TNRC6B: variants seen among roughly 807,000 people sequenced by gnomAD.
TNRC6B encodes trinucleotide repeat-containing gene 6B protein.
In TNRC6B, 52 loss-of-function variants were observed where a neutral mutation model predicts 203.6. The observed-to-expected ratio is 0.26, with a 90% CI of 0.20 to 0.32. The LOEUF is 0.32. TNRC6B is among the 10% of genes least tolerant of loss of function. The probability of loss-of-function intolerance (pLI) is 1.00; values close to 1 mark genes in which losing one functional copy is unlikely to be tolerated. For synonymous variants in TNRC6B, 838 were observed against 845.7 expected (o/e 0.99, Z 0.16); for missense variants, 1,923 against 2,286.2 (o/e 0.84, Z 3.24).
intron 12 of TNRC6B, among the ~76,000 whole-genome samples, chr22:40,295,531 G>A (rs1438754162): frequency 6.6e-6 from 1 of 151,738 alleles, no homozygotes; most frequent in African/African-American, 2.4e-5. Context: ...TGAGAATGTA[G>A]CAGAGATGGT....
At chr22:40,072,397 TC>T (rs1299606150) in intron 1 of TNRC6B, among the ~76,000 whole-genome samples, 1 of 152,184 alleles carries the variant, frequency 6.6e-6, no homozygotes, top group Non-Finnish European at 1.5e-5. Flanking sequence ...TACTAATTAT[TC>T]CCAAGGATGT....
At chr22:40,318,585 T>A (rs1448015507) in intron 21 of TNRC6B, among the ~76,000 whole-genome samples, 1 of 151,994 alleles carries the variant, frequency 6.6e-6, no homozygotes, top group Non-Finnish European at 1.5e-5. Context: ...CCAAGTTATT[T>A]CTTTAGCAAA....
chr22:40,161,273 A>G (rs544792973), intron 4 of TNRC6B, among the ~76,000 whole-genome samples: 107 of 152,298 alleles, frequency 7.0e-4, no homozygotes, highest in African/African-American at 2.5e-3. Context: ...TCAGTTTTGT[A>G]TATGGTGTGA....
At position 40,299,150 on chromosome 22, in the gene TNRC6B, A is replaced by C. The variant is rs1217007375; in HGVS notation, c.3709-1305A>C. On this transcript the variant is annotated intron_variant, in intron 12 of 22. Transcript: ENST00000454349. ...ACAGAGTGAGACCCTGTCTCAAAAA[A>C]AAAAAAACAAAAAAAAAAAAAAAAC... 4.6e-5 allele frequency among the ~76,000 whole-genome samples: 7 copies of C among 151,576 alleles called. No homozygotes were observed. The East Asian group carries it at 1.2e-3, about 25-fold the overall frequency.
intron 1 of TNRC6B, among the ~76,000 whole-genome samples, chr22:40,054,055 A>G (rs748924794): frequency 6.6e-5 from 10 of 152,260 alleles, no homozygotes; most frequent in Non-Finnish European, 1.2e-4. Flanking sequence ...TGTCTCTGCA[A>G]AAAATACAAA....
chr22:40,084,588 G>C (rs973445771), intron 1 of TNRC6B, among the ~76,000 whole-genome samples: 1 of 152,164 alleles, frequency 6.6e-6, no homozygotes, highest in Non-Finnish European at 1.5e-5. Context: ...TTTTAGACTT[G>C]GTGGCCTCTC....
At position 40,124,543 on chromosome 22, in the gene TNRC6B, G is replaced by A. The variant is rs534102953; in HGVS notation, c.-46-1229G>A. 4.6e-5 allele frequency among the ~76,000 whole-genome samples: 7 copies of A among 152,090 alleles called. 1 individual carries two copies. In the East Asian group the frequency reaches 9.7e-4, roughly 21 times the overall value. On this transcript the variant is annotated intron_variant, in intron 2 of 23. Coordinates refer to the TNRC6B transcript ENST00000301923. Reference sequence around the variant, plus strand: ...TCGCCCCCAGGCTGGTCTTGAACGCGTTAGCTCAAGCCATCCACCTGCCTC... The same window carrying A: ...TCGCCCCCAGGCTGGTCTTGAACGCATTAGCTCAAGCCATCCACCTGCCTC...
At chr22:40,086,466 CT>C (rs2068100447) in intron 1 of TNRC6B, among the ~76,000 whole-genome samples, 1 of 152,130 alleles carries the variant, frequency 6.6e-6, no homozygotes, top group African/African-American at 2.4e-5. Context: ...TTTCTGAAGA[CT>C]TTTTATAGTG....
intron 1 of TNRC6B, among the ~76,000 whole-genome samples, chr22:40,216,699 TTAAC>T (rs2069640079): frequency 6.6e-6 from 1 of 152,184 alleles, no homozygotes. Context: ...TGCTGTGCAT[TTAAC>T]TACTTCAGTA....
At chr22:40,167,402 A>G (rs1489603287) in intron 4 of TNRC6B, among the ~76,000 whole-genome samples, 1 of 152,092 alleles carries the variant, frequency 6.6e-6, no homozygotes, top group Non-Finnish European at 1.5e-5. Context: ...AGAAAGTAGA[A>G]TGGTGGTTGC....
chr22:40,172,263 C>G (rs1273379979), intron 4 of TNRC6B, among the ~76,000 whole-genome samples: 1 of 152,242 alleles, frequency 6.6e-6, no homozygotes, highest in Non-Finnish European at 1.5e-5. Context: ...GAGCCTCTCT[C>G]AGTTATTCTA....
chr22:40,280,102 A>T lies in TNRC6B; in HGVS notation c.3370A>T (p.Lys1124Ter). The T allele has an allele frequency of 6.2e-7, 1 of 1,613,912 alleles. No individual in the cohort carries two copies. Among genetic ancestry groups the T allele is most frequent in the Non-Finnish European group, 8.5e-7 (1 of 1,179,796 alleles). ...ATCTGGGTTCCGTCCACCTAATTCC[A>T]AAGACATGGGAACCACAGATAGTGG... is the stretch of plus-strand genomic sequence containing the variant. ...DRSGFRPPNS[K>*]DMGTTDSGPY... The change falls in exon 10 of 23, where the codon AAA (lysine) becomes TAA (stop). Residue 1124 changes from lysine (K) to a stop codon, truncating the protein, a stop_gained. Coordinates refer to ENST00000454349, the MANE Select transcript of TNRC6B (RefSeq NM_001162501.2). LOFTEE classifies it high-confidence loss of function.
Position 40,085,275 on chromosome 22 carries a change from TA to T in TNRC6B, c.-120-31772del, listed in dbSNP as rs557980149. ...TCTCTCTAAAAGGCAAGGACTTTTT[TA>T]AAAAAAACTTAAGCCTTATACAATT... On this transcript the variant is annotated intron_variant, in intron 1 of 23. Coordinates refer to the TNRC6B transcript ENST00000301923. Among the ~76,000 whole-genome samples, 834 of 152,196 alleles carry T rather than the reference TA, an allele frequency of 5.5e-3. 2 individuals carry two copies. Among genetic ancestry groups the T allele is most frequent in the Non-Finnish European group, 8.5e-3 (576 of 67,998 alleles).
intron 1 of TNRC6B, among the ~76,000 whole-genome samples, chr22:40,178,389 C>T (rs572589940): frequency 6.6e-6 from 1 of 152,164 alleles, no homozygotes; most frequent in Non-Finnish European, 1.5e-5. Flanking sequence ...AGATTTTCAT[C>T]ATCGTTTCTA....
intron 1 of TNRC6B, among the ~76,000 whole-genome samples, chr22:40,060,010 G>A (rs73165032): frequency 2.6e-5 from 4 of 151,684 alleles, no homozygotes; most frequent in South Asian, 4.2e-4. Context: ...TTTTAGTAGA[G>A]ATGGGACGGG....
Position 40,264,892 on chromosome 22 carries a change from C to G in TNRC6B, c.662C>G (p.Ala221Gly). Reference sequence around the variant, plus strand: ...GAAAACACCACCGATAACAACAGTGCCTCGAACCCTGGCTCTGAGAAGAGC... The same window carrying G: ...GAAAACACCACCGATAACAACAGTGGCTCGAACCCTGGCTCTGAGAAGAGC... ...SSENTTDNNSASNPGSEKSTL... is the reference protein window; with the variant it reads ...SSENTTDNNSGSNPGSEKSTL... The change falls in exon 5 of 23, where the codon GCC becomes GGC. Residue 221 changes from alanine (A) to glycine (G), a missense_variant. This residue lies in a region of TNRC6B where 614 missense variants were observed against 587.7 expected (regional missense o/e 1.04). Coordinates refer to ENST00000454349, the MANE Select transcript of TNRC6B (RefSeq NM_001162501.2). The G allele has an allele frequency of 6.2e-7, 1 of 1,613,880 alleles. No homozygotes were observed.
At chr22:40,130,006 T>G (rs1314449996) in intron 3 of TNRC6B, among the ~76,000 whole-genome samples, 1 of 152,218 alleles carries the variant, frequency 6.6e-6, no homozygotes, top group Non-Finnish European at 1.5e-5. Context: ...AAAGAGAAAT[T>G]AAATGATTTT....
In TNRC6B at chr22:40,315,949, C is replaced by G; in HGVS notation, c.4911C>G (p.Thr1637=). The part of the protein sequence containing the change: ...TQDSRLASAS[T]WSDGGSVRPS... ...TTTTCTGGTTGCTCATAGCCTCTAC[C>G]TGGAGTGATGGTGGCTCAGTTCGTC... Residue 1637 remains threonine, a synonymous_variant, in exon 21 of 23, where the codon ACC becomes ACG. Coordinates refer to ENST00000454349, the MANE Select transcript of TNRC6B (RefSeq NM_001162501.2). The G allele has an allele frequency of 2.5e-6, 4 of 1,613,748 alleles. No individual in the cohort carries two copies. The highest frequency in any genetic ancestry group is 3.4e-6 in the Non-Finnish European group (4 of 1,179,728).
chr22:40,210,344 T>C (rs1601886613), intron 1 of TNRC6B, among the ~76,000 whole-genome samples: 1 of 152,350 alleles, frequency 6.6e-6, no homozygotes, highest in East Asian at 1.9e-4. Flanking sequence ...ATGATGCTCA[T>C]CCTAACACCA....
Sources: gnomAD v4.1 joint callset for allele counts (sites outside exome capture counted in the v4.1 genomes callset) on GRCh38, gnomAD v4.1.1 for gene constraint, gnomAD v4.1.1 regional missense constraint, MANE v1.5 for transcripts, NCBI Gene and HGNC (gene_info 2026-07-23, HGNC 2026-07-21) for gene names.